DNHD1: variants seen among roughly 807,000 people sequenced by gnomAD.
DNHD1 encodes dynein heavy chain domain 1.
A neutral mutation model predicts 458.1 loss-of-function variants in DNHD1; 383 were observed. That is an observed-to-expected ratio of 0.84 (90% confidence interval 0.77 to 0.91). DNHD1 has a LOEUF of 0.91. DNHD1 is among the 40% of genes least tolerant of loss of function. The pLI, the probability that DNHD1 is intolerant of heterozygous loss-of-function variation, is 0.00. For synonymous variants in DNHD1, 2,203 were observed against 2,376.9 expected, an observed-to-expected ratio of 0.93 and a Z score of 2.13; for missense variants, 5,336 against 5,866.1, an observed-to-expected ratio of 0.91 and a Z score of 2.95.
chr11:6,548,616 C>T lies in DNHD1; in HGVS notation c.7099-29C>T, dbSNP rs1853272097. The stretch of plus-strand genomic sequence containing the variant: ...AGATTACTGTCTTATACTGGAGGTG[C>T]TGCAGTAAGTCCCACTTCTGTCTTG... On this transcript the variant is annotated intron_variant, in intron 23 of 42. Transcript: ENST00000254579. The surrounding 1 kb of genome is among the most constrained non-coding windows in gnomAD (Gnocchi z 4.4). 6.5e-7 allele frequency: 1 copy of T among 1,550,356 alleles called. No homozygotes were observed. The highest frequency in any genetic ancestry group is 8.7e-7 in the Non-Finnish European group (1 of 1,146,670).
chr11:6,565,851 A>C lies in DNHD1; in HGVS notation c.10913A>C (p.Glu3638Ala). 6.4e-7 allele frequency: 1 copy of C among 1,551,732 alleles called. No homozygotes were observed. Among genetic ancestry groups the C allele is most frequent in the Non-Finnish European group, 8.7e-7 (1 of 1,147,004 alleles). ...NEQEKEQEEN[E>A]EKEEEKTESQ... ...CAGGAGAAAGAGCAAGAGGAAAATG[A>C]AGAGAAAGAGGAGGAGAAGACAGAG... Residue 3638 changes from glutamate to alanine, a missense_variant, in exon 33 of 43, where the codon GAA (glutamate) becomes GCA (alanine). This residue lies in a region of DNHD1 where 695 missense variants were observed against 804.2 expected (regional missense o/e 0.86). Coordinates refer to ENST00000254579, the MANE Select transcript of DNHD1 (RefSeq NM_144666.3).
Position 6,556,873 on chromosome 11 carries a change from C to G in DNHD1, c.7578C>G (p.Ala2526=). ...PRLFRLFTVL[A]LESMTQATLL... ...TCTTTCGACTCTTCACAGTCCTGGC[C>G]CTGGAAAGCATGACCCAGGCCACCC... Residue 2526 remains alanine (A), a synonymous_variant, in exon 25 of 43, where the codon GCC becomes GCG. Transcript: ENST00000254579. 2 of 1,551,612 alleles carry G rather than the reference C, an allele frequency of 1.3e-6. No individual in the cohort carries two copies. The highest frequency in any genetic ancestry group is 1.7e-6 in the Non-Finnish European group (2 of 1,146,982).
chr11:6,544,318 AGGTGGAGGTTG>A, intron 19 of DNHD1, 72 bp downstream of exon 19: 1 of 1,524,690 alleles, frequency 6.6e-7, no homozygotes, highest in Non-Finnish European at 8.9e-7. Flanking sequence ...TGGGGGTGAG[AGGTGGAGGTTG>A]GGTGGGAGAA....
intron 7 of DNHD1, among the ~76,000 whole-genome samples, chr11:6,515,382 G>A (rs919609494): frequency 4.0e-5 from 6 of 151,582 alleles, no homozygotes; most frequent in Admixed American, 1.3e-4. Flanking sequence ...ATATTTTTTC[G>A]TTCTTCAGGA....
chr11:6,530,954 G>C (rs112237694), intron 12 of DNHD1, among the ~76,000 whole-genome samples: 1 of 152,104 alleles, frequency 6.6e-6, no homozygotes, highest in Admixed American at 6.5e-5. Flanking sequence ...TTAGAACCCT[G>C]TCTGTTTTTC....
chr11:6,570,345 G>A lies in DNHD1; in HGVS notation c.13054G>A (p.Val4352Ile), dbSNP rs778968721. 19 of 1,612,162 alleles carry A rather than the reference G, an allele frequency of 1.2e-5. No homozygotes were observed. In the Admixed American group the frequency reaches 2.3e-4, roughly 20 times the overall value. ...ACLSPSSGSW[V>I]QPHTPQSLLA... The stretch of plus-strand genomic sequence containing the variant: ...CCTGAGCCCCAGTAGTGGGAGCTGG[G>A]TCCAGCCACACACACCTCAGTCTTT... The change falls in exon 41 of 43, where the codon GTC (valine) becomes ATC (isoleucine). Residue 4352 changes from valine (V) to isoleucine (I), a missense_variant. Coordinates refer to ENST00000254579, the MANE Select transcript of DNHD1 (RefSeq NM_144666.3).
rs565513168 is a variant in DNHD1 at position 6,534,842 on chromosome 11, G to C, written c.2998+669G>C. On this transcript the variant is annotated intron_variant, in intron 14 of 42. Coordinates refer to ENST00000254579, the MANE Select transcript of DNHD1 (RefSeq NM_144666.3). ...GCTCACTGCAGCCTCAGCCTCCCAG[G>C]CTCAAGCAATCCTCCCATCTCAGCC... Among the ~76,000 whole-genome samples, 121 of 152,272 alleles carry C rather than the reference G, an allele frequency of 7.9e-4. 1 individual carries two copies. Among genetic ancestry groups the C allele is most frequent in the African/African-American group, 2.8e-3 (116 of 41,556 alleles).
intron 26 of DNHD1, 103 bp from the exon 27 acceptor site, chr11:6,558,799 C>T: frequency 6.7e-7 from 1 of 1,499,326 alleles, no homozygotes; most frequent in South Asian, 1.2e-5. Context: ...TACAGAGCCC[C>T]CTTCACATTT....
chr11:6,507,997 G>A (rs1459326206), intron 4 of DNHD1, among the ~76,000 whole-genome samples: 1 of 152,062 alleles, frequency 6.6e-6, no homozygotes, highest in East Asian at 1.9e-4. Context: ...GAGAGATAGA[G>A]GAGAGCTATT....
chr11:6,556,510 A>G (rs1853462679), intron 24 of DNHD1, among the ~76,000 whole-genome samples, 173 bp from the exon 25 acceptor site: 1 of 152,190 alleles, frequency 6.6e-6, no homozygotes, highest in South Asian at 2.1e-4. Flanking sequence ...AAATTCCTCA[A>G]TTTTAGGGAG....
At position 6,547,571 on chromosome 11, in the gene DNHD1, G is replaced by A; in HGVS notation, c.6632G>A (p.Cys2211Tyr). The part of the protein sequence containing the change: ...LLQVHGQQAV[C>Y]AGVAEVTSMA... ...CAGGTACACGGGCAGCAGGCTGTTTGTGCAGGTGTGGCAGAAGTTACCAGC... is the reference window on the plus strand; with the variant it reads ...CAGGTACACGGGCAGCAGGCTGTTTATGCAGGTGTGGCAGAAGTTACCAGC... The change falls in exon 21 of 43, where the codon TGT (cysteine) becomes TAT (tyrosine). Residue 2211 changes from cysteine to tyrosine, a missense_variant. Cys to Tyr is a radical substitution (Grantham distance 194). Coordinates refer to ENST00000254579, the MANE Select transcript of DNHD1 (RefSeq NM_144666.3). 6.5e-7 allele frequency: 1 copy of A among 1,550,372 alleles called. No individual in the cohort carries two copies. Among genetic ancestry groups the A allele is most frequent in the South Asian group, 1.2e-5 (1 of 84,032 alleles).
In DNHD1 at chr11:6,564,768, A is replaced by G; in HGVS notation, c.10720A>G (p.Asn3574Asp). The G allele has an allele frequency of 6.5e-7, 1 of 1,539,318 alleles. No homozygotes were observed. The highest frequency in any genetic ancestry group is 8.8e-7 in the Non-Finnish European group (1 of 1,137,838). Residue 3574 changes from asparagine to aspartate, a missense_variant, in exon 32 of 43, where the codon AAT becomes GAT. Asn to Asp is a conservative substitution (Grantham distance 23, BLOSUM62 1). Coordinates refer to ENST00000254579, the MANE Select transcript of DNHD1 (RefSeq NM_144666.3). ...GTTGGACCCGCTGCCTCTGGAAGAG[A>G]ATCGATCTTTTGCGCCAGCCCTCAC... ...IWLDPLPLEE[N>D]RSFAPALTEG...
At position 6,544,170 on chromosome 11, in the gene DNHD1, C is replaced by T; in HGVS notation, c.3678C>T (p.Ser1226=). 1 of 1,551,576 alleles carries T rather than the reference C, an allele frequency of 6.4e-7. No homozygotes were observed. Among genetic ancestry groups the T allele is most frequent in the Non-Finnish European group, 8.7e-7 (1 of 1,146,964 alleles). The change falls in exon 19 of 43, where the codon TCC becomes TCT. Residue 1226 remains serine (S), a synonymous_variant. Coordinates refer to ENST00000254579, the MANE Select transcript of DNHD1 (RefSeq NM_144666.3). ...DSIQESLQVL[S]KILAIEKSGD... ...TCCAGGAAAGTCTTCAGGTGTTGTC[C>T]AAGATCTTGGCCATCGAAAAGTCAG...
At chr11:6,543,130 T>C (rs1853134062) in intron 18 of DNHD1, among the ~76,000 whole-genome samples, 3 of 152,328 alleles carry the variant, frequency 2.0e-5, no homozygotes, top group Admixed American at 6.5e-5. Context: ...AGTGCTGTTT[T>C]CTCTAGAGAG....
rs1250333254 is a variant in DNHD1, at chr11:6,563,567, A to G, written c.9852+3A>G. 1.9e-6 allele frequency: 3 copies of G among 1,551,300 alleles called. No individual in the cohort carries two copies. The highest frequency in any genetic ancestry group is 2.6e-6 in the Non-Finnish European group (3 of 1,146,968). ...TATGCACTGAGGATTTTTATCAGGT[A>G]GGAAGGGTGGAGCACAATGAAGGAG... On this transcript the variant is annotated splice_donor_region_variant and intron_variant, in intron 30 of 42. Transcript: ENST00000254579.
chr11:6,524,484 G>A (rs925615403), intron 10 of DNHD1, among the ~76,000 whole-genome samples: 5 of 151,966 alleles, frequency 3.3e-5, no homozygotes, highest in Middle Eastern at 3.2e-3. Context: ...AACTTTTTAT[G>A]ACACCGACTC....
chr11:6,568,870 A>G lies in DNHD1; in HGVS notation c.12863+4A>G. The G allele has an allele frequency of 6.2e-7, 1 of 1,604,620 alleles. No individual in the cohort carries two copies. Among genetic ancestry groups the G allele is most frequent in the East Asian group, 2.3e-5 (1 of 44,344 alleles). On this transcript the variant is annotated splice_donor_region_variant and intron_variant, in intron 39 of 42. Transcript: ENST00000254579. ...TGCAGGCACACAGGGGGCGCTGGTG[A>G]GGGACCCCCACCCATTCCTGCTCAG...
At chr11:6,528,484 A>G (rs1265311218) in intron 10 of DNHD1, 38 bp from the exon 11 acceptor site, 1 of 1,525,778 alleles carries the variant, frequency 6.6e-7, no homozygotes, top group Non-Finnish European at 8.8e-7. Context: ...TGGGCTCTGG[A>G]GGGTACTCAC....
At position 6,498,703 on chromosome 11, in the gene DNHD1, C is replaced by T. The variant is rs1302708225; in HGVS notation, c.488C>T (p.Pro163Leu). The T allele has an allele frequency of 6.2e-7, 1 of 1,614,196 alleles. No homozygotes were observed. ...KRRLHHRPPC[P>L]ACPFVQAQWS... ...AGGCTCCATCACAGGCCCCCATGCC[C>T]AGCTTGCCCTTTTGTGCAGGCCCAG... The change falls in exon 3 of 43, where the codon CCA becomes CTA. Residue 163 changes from proline to leucine, a missense_variant. This residue lies in a region of DNHD1 where 3,932 missense variants were observed against 4,365.6 expected (regional missense o/e 0.90). Coordinates refer to ENST00000254579, the MANE Select transcript of DNHD1 (RefSeq NM_144666.3).
Sources: allele counts gnomAD v4.1 joint callset (sites outside exome capture counted in the v4.1 genomes callset), GRCh38; gene constraint gnomAD v4.1.1; regional missense constraint gnomAD v4.1.1; non-coding constraint Gnocchi (gnomAD v3.1); transcripts MANE v1.5; gene names NCBI Gene and HGNC (gene_info 2026-07-23, HGNC 2026-07-21).